DCAF6: variants seen among roughly 807,000 people sequenced by gnomAD.
DCAF6 encodes DDB1 and CUL4 associated factor 6, also known as DDB1- and CUL4-associated factor 6.
In DCAF6, 54 loss-of-function variants were observed where a neutral mutation model predicts 125.1. That is an observed-to-expected ratio of 0.43 (90% CI 0.35 to 0.54). DCAF6 has a LOEUF of 0.54. Ranked by LOEUF, DCAF6 falls within the 20% of genes least tolerant of loss-of-function variation. The probability of loss-of-function intolerance (pLI) is 0.01; values close to 1 mark genes in which losing one functional copy is unlikely to be tolerated. For synonymous variants in DCAF6, 371 were observed against 390.4 expected (o/e 0.95, Z 0.58); for missense variants, 934 against 1,161.7 (o/e 0.80, Z 2.85).
intron 5 of DCAF6, among the ~76,000 whole-genome samples, chr1:167,988,042 C>T (rs988052497): frequency 1.3e-5 from 2 of 151,862 alleles, no homozygotes; most frequent in African/African-American, 4.8e-5. Flanking sequence ...TACATGTTAT[C>T]TTTTTTAAAA....
intron 3 of DCAF6, among the ~76,000 whole-genome samples, chr1:167,967,320 T>C (rs1230496257): frequency 6.6e-6 from 1 of 152,174 alleles, no homozygotes; most frequent in Admixed American, 6.5e-5. Context: ...ACTCCCTCAC[T>C]AGAAGGCAAG....
chr1:168,064,030 T>TC (rs58545386), intron 18 of DCAF6: 53 of 183,794 alleles, frequency 2.9e-4, no homozygotes, highest in South Asian at 1.2e-3. Flanking sequence ...TTTTTTTTTT[T>TC]CCCCCTCTCT....
chr1:167,952,436 G>A (rs563160881), intron 2 of DCAF6, among the ~76,000 whole-genome samples: 2 of 152,078 alleles, frequency 1.3e-5, no homozygotes, highest in African/African-American at 4.8e-5. Flanking sequence ...AGCCAGGATG[G>A]TGTTGATCTG....
chr1:168,067,813 GGTT>G (rs1692532152), intron 20 of DCAF6, among the ~76,000 whole-genome samples: 1 of 151,724 alleles, frequency 6.6e-6, no homozygotes, highest in South Asian at 2.1e-4. Flanking sequence ...CTTTGCTCAT[GGTT>G]ACATATTGCA....
intron 1 of DCAF6, 27 bp downstream of exon 1, chr1:167,937,035 G>A: frequency 6.3e-7 from 1 of 1,578,198 alleles, no homozygotes; most frequent in Non-Finnish European, 8.6e-7. Flanking sequence ...GGGCGGAGGC[G>A]CTGAGGTCGC....
intron 6 of DCAF6, among the ~76,000 whole-genome samples, chr1:167,992,378 A>G (rs1023190603): frequency 6.6e-6 from 1 of 152,200 alleles, no homozygotes; most frequent in Non-Finnish European, 1.5e-5. Context: ...AAAGATGGAC[A>G]TAGATTATTG....
At chr1:168,060,457 A>G (rs929165527) in intron 17 of DCAF6, among the ~76,000 whole-genome samples, 29 of 152,096 alleles carry the variant, frequency 1.9e-4, no homozygotes, top group African/African-American at 6.5e-4. Context: ...AGTAGCTGGG[A>G]TTACTGGGGT....
intron 4 of DCAF6, among the ~76,000 whole-genome samples, chr1:167,985,757 T>C (rs1240808728): frequency 2.6e-5 from 4 of 152,178 alleles, no homozygotes; most frequent in African/African-American, 9.7e-5. Context: ...TTTTAAAAAG[T>C]ATAAAACACC....
In DCAF6 at chr1:168,064,079, ATTT is replaced by A. The variant is rs11295034; in HGVS notation, c.2439+338_2439+340del. The A allele has an allele frequency of 4.3e-3, 393 of 92,426 alleles. 1 individual carries two copies. Among genetic ancestry groups the A allele is most frequent in the African/African-American group, 0.012 (267 of 22,476 alleles). 5.7% of individuals were successfully genotyped at this position (92,426 alleles called of 1,614,324 possible). A position where few individuals can be genotyped will look rare whatever the true frequency, so the allele number is the denominator to read the frequency against. ...TGTCTACCTGAAAAGTTTCTGGTGG[ATTT>A]TTTTTTTTTTTTTTTTTAGCTTGTA... On this transcript the variant is annotated intron_variant, in intron 18 of 21. Transcript: ENST00000367840.
chr1:167,970,172 C>T (rs1215817723), intron 3 of DCAF6, among the ~76,000 whole-genome samples: 2 of 152,266 alleles, frequency 1.3e-5, no homozygotes, highest in Non-Finnish European at 2.9e-5. Context: ...TTACATTATA[C>T]AAAATAATCA....
chr1:168,075,045 T>G (rs759352060), intron 21 of DCAF6, among the ~76,000 whole-genome samples: 1 of 152,212 alleles, frequency 6.6e-6, no homozygotes, highest in African/African-American at 2.4e-5. Flanking sequence ...CACAGCTGCC[T>G]CCTCACTCCC....
chr1:167,928,123 C>T, the DCAF6 span, among the ~76,000 whole-genome samples: 59 of 152,154 alleles, frequency 3.9e-4, 1 homozygote, highest in East Asian at 7.1e-3. Context: ...CCGAGATGGG[C>T]GGATCACGAG....
upstream of DCAF6, chr1:167,936,624 T>G (rs1671252468): frequency 5.5e-6 from 2 of 363,682 alleles, no homozygotes; most frequent in Admixed American, 4.7e-5. Context: ...CGCCATCGCC[T>G]CCGCCTCCGC....
At chr1:167,958,645 T>C (rs974951088) in intron 2 of DCAF6, among the ~76,000 whole-genome samples, 8 of 152,192 alleles carry the variant, frequency 5.3e-5, no homozygotes, top group Non-Finnish European at 1.2e-4. Flanking sequence ...TGAAACTTAA[T>C]GGCTCAGACA....
In DCAF6 at chr1:168,043,157, C is replaced by T; in HGVS notation, c.1843+17C>T. On this transcript the variant is annotated intron_variant, in intron 14 of 21. Transcript: ENST00000367840. ...GTGAAACAAGTAAGGTGTTATTTTG[C>T]TTTTGTTGTTATAAAATTGCAGCAT... 1 of 1,580,376 alleles carries T rather than the reference C, an allele frequency of 6.3e-7. No individual in the cohort carries two copies. The highest frequency in any genetic ancestry group is 8.7e-7 in the Non-Finnish European group (1 of 1,151,526).
chr1:167,911,564 G>A, the DCAF6 span, among the ~76,000 whole-genome samples: 2 of 152,124 alleles, frequency 1.3e-5, no homozygotes, highest in African/African-American at 4.8e-5. Flanking sequence ...CTAGCCGATC[G>A]GGACAAATAC....
At chr1:167,927,022 G>A in the DCAF6 span, among the ~76,000 whole-genome samples, 13 of 152,242 alleles carry the variant, frequency 8.5e-5, no homozygotes, top group South Asian at 4.1e-4. Flanking sequence ...ACATTAACCC[G>A]AAGACAAGGT....
chr1:167,914,626 A>G, the DCAF6 span, among the ~76,000 whole-genome samples: 7 of 152,180 alleles, frequency 4.6e-5, no homozygotes, highest in Non-Finnish European at 8.8e-5. Context: ...TTGAAATCCA[A>G]TGGGCACTGG....
chr1:167,892,687 GT>G, the DCAF6 span, among the ~76,000 whole-genome samples: 1 of 152,160 alleles, frequency 6.6e-6, no homozygotes, highest in African/African-American at 2.4e-5. Flanking sequence ...TGGGCTGAAG[GT>G]GGCAGGGTGC....
Sources: allele counts gnomAD v4.1 joint callset (sites outside exome capture counted in the v4.1 genomes callset), GRCh38; gene constraint gnomAD v4.1.1; transcripts MANE v1.5; gene names NCBI Gene and HGNC (gene_info 2026-07-23, HGNC 2026-07-21).